Variants in LSG1 observed in about 807,000 individuals in gnomAD.
LSG1 encodes large 60S subunit nuclear export GTPase 1.
A neutral mutation model predicts 82.6 loss-of-function variants in LSG1; 55 were observed. The observed-to-expected ratio is 0.67, with a 90% CI of 0.54 to 0.83. The LOEUF (loss-of-function observed/expected upper bound fraction) is 0.83, where lower values mean the gene tolerates loss of function less well. LSG1 is among the 40% of genes least tolerant of loss of function. The pLI, the probability that LSG1 is intolerant of heterozygous loss-of-function variation, is 0.00. For missense variants in LSG1, 809 were observed against 807.9 expected (o/e 1.00, Z -0.02); for synonymous variants, 272 against 282.5 (o/e 0.96, Z 0.37).
rs369105604 is a variant in LSG1 at position 194,653,069 on chromosome 3, A to G, written c.833T>C (p.Ile278Thr). 6.2e-7 allele frequency: 1 copy of G among 1,614,188 alleles called. No homozygotes were observed. Among genetic ancestry groups the G allele is most frequent in the Non-Finnish European group, 8.5e-7 (1 of 1,180,040 alleles). ...GAGATGTTCGGATTCACTGTGGGAA[A>G]TTTCAGCCTGGTCGAAACTGGAATG... ...FGHSSFDQAEISHSESEHLPA... is the reference protein window; with the variant it reads ...FGHSSFDQAETSHSESEHLPA... Residue 278 changes from isoleucine (I) to threonine (T), a missense_variant, in exon 8 of 14, where the codon ATT becomes ACT. By Grantham distance (89) the Ile-to-Thr change is moderately conservative. Coordinates refer to ENST00000265245, the MANE Select transcript of LSG1 (RefSeq NM_018385.3).
At chr3:194,649,269 G>A (rs558102776) in intron 10 of LSG1, among the ~76,000 whole-genome samples, 1 of 152,154 alleles carries the variant, frequency 6.6e-6, no homozygotes, top group Admixed American at 6.5e-5. Flanking sequence ...TGCCTCATGT[G>A]CCCCAACAGA....
chr3:194,648,927 A>G, intron 10 of LSG1, 123 bp from the exon 11 acceptor site: 2 of 956,552 alleles, frequency 2.1e-6, no homozygotes, highest in South Asian at 1.7e-5. Context: ...TCTCCAAAGG[A>G]AGAGGATAGT....
At position 194,641,743 on chromosome 3, in the gene LSG1, A is replaced by G. The variant is rs774346137; in HGVS notation, c.*325T>C. On this transcript the variant is annotated 3_prime_UTR_variant, in exon 14 of 14. Coordinates refer to ENST00000265245, the MANE Select transcript of LSG1 (RefSeq NM_018385.3). Reference sequence around the variant, plus strand: ...ATTCTCCTGCCTCAGCCTCCCGAGTAGCTGGGATTACAGGTGCGCGCCACC... The same window carrying G: ...ATTCTCCTGCCTCAGCCTCCCGAGTGGCTGGGATTACAGGTGCGCGCCACC... 4.0e-5 allele frequency: 7 copies of G among 175,674 alleles called. No individual in the cohort carries two copies. Among genetic ancestry groups the G allele is most frequent in the African/African-American group, 1.4e-4 (6 of 42,172 alleles). The allele number at this position is 175,674 out of a possible 1,614,324, so 10.9% of individuals were successfully genotyped here.
At chr3:194,663,845 T>C (rs1718980216) in intron 5 of LSG1, among the ~76,000 whole-genome samples, 1 of 152,138 alleles carries the variant, frequency 6.6e-6, no homozygotes, top group Non-Finnish European at 1.5e-5. Context: ...CTTGCTTCTC[T>C]GACCTCCCCG....
At chr3:194,646,812 C>T (rs1232059415) in intron 11 of LSG1, among the ~76,000 whole-genome samples, 4 of 152,226 alleles carry the variant, frequency 2.6e-5, no homozygotes, top group Admixed American at 1.3e-4. Context: ...TGAGGCACTA[C>T]ACCCAGCCTC....
chr3:194,653,634 G>C (rs1718731205), intron 7 of LSG1, among the ~76,000 whole-genome samples: 1 of 152,282 alleles, frequency 6.6e-6, no homozygotes, highest in South Asian at 2.1e-4. Flanking sequence ...ACCATCGAGG[G>C]TGGCGCCCTC....
In LSG1 at chr3:194,641,887, A is replaced by C; in HGVS notation, c.*181T>G. 1.8e-6 allele frequency: 1 copy of C among 554,856 alleles called. No individual in the cohort carries two copies. The highest frequency in any genetic ancestry group is 3.0e-6 in the Non-Finnish European group (1 of 328,104). The allele number at this position is 554,856 out of a possible 1,614,324, so 34.4% of individuals were successfully genotyped here. Reference sequence around the variant, plus strand: ...GGCTCCCAGATGACTCCTTTTTGTCAGAGTTGGTGTTTCCAGGAGGCCCTT... The same window carrying C: ...GGCTCCCAGATGACTCCTTTTTGTCCGAGTTGGTGTTTCCAGGAGGCCCTT... On this transcript the variant is annotated 3_prime_UTR_variant, in exon 14 of 14. Transcript: ENST00000265245.
Position 194,658,947 on chromosome 3 carries a change from C to T in LSG1, c.759+10G>A, listed in dbSNP as rs376837350. Reference sequence around the variant, plus strand: ...CTTTGAAAGCCAACCTAAAATGTCCCTCAGGTTACCTCAGAGTCACCATTC... The same window carrying T: ...CTTTGAAAGCCAACCTAAAATGTCCTTCAGGTTACCTCAGAGTCACCATTC... On this transcript the variant is annotated intron_variant, in intron 7 of 13. Coordinates refer to ENST00000265245, the MANE Select transcript of LSG1 (RefSeq NM_018385.3). The T allele has an allele frequency of 5.4e-5, 86 of 1,597,200 alleles. No individual in the cohort carries two copies. Among genetic ancestry groups the T allele is most frequent in the Non-Finnish European group, 7.3e-5 (85 of 1,169,522 alleles).
At chr3:194,660,951 G>T (rs1675947) in intron 5 of LSG1, 1 of 455,380 alleles carries the variant, frequency 2.2e-6, no homozygotes, top group Non-Finnish European at 4.4e-6. Flanking sequence ...CTCTGTGCTA[G>T]ATGTTATAAA....
chr3:194,671,960 G>A lies in LSG1; in HGVS notation c.99+104C>T, dbSNP rs1403345548. 1.4e-5 allele frequency: 15 copies of A among 1,038,478 alleles called. No homozygotes were observed. In the South Asian group the frequency reaches 2.0e-4, roughly 14 times the overall value. 64.3% of individuals were successfully genotyped at this position (1,038,478 alleles called of 1,614,324 possible). A position where few individuals can be genotyped will look rare whatever the true frequency, so the allele number is the denominator to read the frequency against. ...AACTCCAACTCATCCTTCAAAACCC[G>A]GCTGAGGCGTCCCTCCTGCAAAACT... On this transcript the variant is annotated intron_variant, in intron 1 of 13. Coordinates refer to ENST00000265245, the MANE Select transcript of LSG1 (RefSeq NM_018385.3).
intron 12 of LSG1, chr3:194,645,060 A>G (rs1455527715): frequency 5.0e-6 from 1 of 198,478 alleles, no homozygotes; most frequent in Non-Finnish European, 1.0e-5. Flanking sequence ...ATTTTCCAAA[A>G]CAAAACTCAA....
intron 10 of LSG1, among the ~76,000 whole-genome samples, chr3:194,650,330 T>C (rs2108616670): frequency 6.6e-6 from 1 of 152,344 alleles, no homozygotes; most frequent in South Asian, 2.1e-4. Context: ...GCAGAGTTCC[T>C]AATTTACTGC....
Position 194,666,633 on chromosome 3 carries a change from C to T in LSG1, c.227-61G>A, listed in dbSNP as rs1462253455. 2.1e-6 allele frequency: 3 copies of T among 1,424,232 alleles called. No homozygotes were observed. In the African/African-American group the frequency reaches 4.3e-5, roughly 20 times the overall value. The allele number at this position is 1,424,232 out of a possible 1,614,324, so 88.2% of individuals were successfully genotyped here. ...GCAGTATAGATACAGAGTGTTTGGT[C>T]ATACTGATAAACTGAGAAAACTAAA... On this transcript the variant is annotated intron_variant, in intron 2 of 13. Coordinates refer to ENST00000265245, the MANE Select transcript of LSG1 (RefSeq NM_018385.3).
At chr3:194,656,469 A>G (rs1577255663) in intron 7 of LSG1, among the ~76,000 whole-genome samples, 1 of 152,136 alleles carries the variant, frequency 6.6e-6, no homozygotes, top group Non-Finnish European at 1.5e-5. Flanking sequence ...CACCAGTTAG[A>G]ATGGCGATCA....
At chr3:194,669,845 T>A (rs1335557551) in intron 2 of LSG1, among the ~76,000 whole-genome samples, 164 bp downstream of exon 2, 1 of 152,084 alleles carries the variant, frequency 6.6e-6, no homozygotes, top group Non-Finnish European at 1.5e-5. Flanking sequence ...GGCAGGTGAA[T>A]TGCTTGAACC....
At chr3:194,655,995 T>C (rs569983460) in intron 7 of LSG1, among the ~76,000 whole-genome samples, 1 of 152,256 alleles carries the variant, frequency 6.6e-6, no homozygotes, top group East Asian at 1.9e-4. Context: ...TACACAAAAA[T>C]TAATTCACGA....
At chr3:194,649,673 G>C (rs1718631675) in intron 10 of LSG1, among the ~76,000 whole-genome samples, 1 of 151,848 alleles carries the variant, frequency 6.6e-6, no homozygotes, top group Non-Finnish European at 1.5e-5. Context: ...CTGGGTGACA[G>C]AGCGAGACTC....
In LSG1 at chr3:194,672,190, C is replaced by A; in HGVS notation, c.-28G>T. 1 of 1,530,492 alleles carries A rather than the reference C, an allele frequency of 6.5e-7. No homozygotes were observed. 94.8% of individuals were successfully genotyped at this position (1,530,492 alleles called of 1,614,324 possible). A position where few individuals can be genotyped will look rare whatever the true frequency, so the allele number is the denominator to read the frequency against. ...CAACACGACCGCTGGACGAAGCTTC[C>A]CGGCTCGGCGCGTGCAGTTTCCGGG... On this transcript the variant is annotated 5_prime_UTR_variant, in exon 1 of 14. Coordinates refer to ENST00000265245, the MANE Select transcript of LSG1 (RefSeq NM_018385.3).
Position 194,644,318 on chromosome 3 carries a change from C to T in LSG1, c.1797+255G>A, listed in dbSNP as rs1167623571. Reference sequence around the variant, plus strand: ...CGGAGCTTGCAGTGAGCCAAGATTGCGCCACTGCAGTCCGCAGTCCGGCCT... The same window carrying T: ...CGGAGCTTGCAGTGAGCCAAGATTGTGCCACTGCAGTCCGCAGTCCGGCCT... On this transcript the variant is annotated intron_variant, in intron 13 of 13. Transcript: ENST00000265245. 1.2e-3 allele frequency among the ~76,000 whole-genome samples: 180 copies of T among 146,500 alleles called. 1 individual carries two copies. The highest frequency in any genetic ancestry group is 4.2e-3 in the African/African-American group (168 of 40,460).
Sources: gnomAD v4.1 joint callset for allele counts (sites outside exome capture counted in the v4.1 genomes callset) on GRCh38, gnomAD v4.1.1 for gene constraint, MANE v1.5 for transcripts, NCBI Gene and HGNC (gene_info 2026-07-23, HGNC 2026-07-21) for gene names.